The following TBC1D19 variants were observed in gnomAD, a reference collection of about 807,000 sequenced individuals.
The protein encoded by TBC1D19 is TBC1 domain family member 19, also known as TBC1 domain family, member 19.
TBC1D19 carries 60 observed loss-of-function variants against 89.0 expected under a neutral mutation model. The ratio of observed to expected loss-of-function variants is 0.67; its 90% CI spans 0.55 to 0.84. TBC1D19 has a LOEUF of 0.84. Among genes scored for constraint, TBC1D19 ranks in the 40% least tolerant of loss-of-function variants. TBC1D19 has a pLI of 0.00. For missense variants in TBC1D19, 500 were observed against 610.8 expected (o/e 0.82, Z 1.91); for synonymous variants, 189 against 199.7 (o/e 0.95, Z 0.45).
chr4:26,759,277 T>C (rs1010353266), downstream of TBC1D19, among the ~76,000 whole-genome samples: 6 of 152,200 alleles, frequency 3.9e-5, no homozygotes, highest in Admixed American at 6.5e-5. Flanking sequence ...TAATAGACTT[T>C]AGTAAATATT....
At chr4:26,689,966 G>A (rs1436173233) in intron 13 of TBC1D19, among the ~76,000 whole-genome samples, 15 of 152,142 alleles carry the variant, frequency 9.9e-5, no homozygotes, top group Non-Finnish European at 1.5e-5. Context: ...CCAAAAGCTA[G>A]GCCTCTTGCA....
At chr4:26,842,340 C>CTTTTTTTTTTTTTTTTTTTT in the TBC1D19 span, among the ~76,000 whole-genome samples, 8 of 81,576 alleles carry the variant, frequency 9.8e-5, no homozygotes, top group East Asian at 3.8e-4. Flanking sequence ...CTTTTCTTTT[C>CTTTTTTTTTTTTTTTTTTTT]TTTTTTTTTT....
intron 13 of TBC1D19, among the ~76,000 whole-genome samples, chr4:26,696,774 A>C (rs1351354324): frequency 6.6e-6 from 1 of 152,236 alleles, no homozygotes; most frequent in East Asian, 1.9e-4. Flanking sequence ...TACATAACGA[A>C]ATGAAGGCAG....
At chr4:26,645,598 A>G in intron 7 of TBC1D19, among the ~76,000 whole-genome samples, 1 of 152,238 alleles carries the variant, frequency 6.6e-6, no homozygotes, top group Non-Finnish European at 1.5e-5. Context: ...GGCATGGGCA[A>G]GGACTTCACG....
chr4:26,852,392 A>G, the TBC1D19 span, among the ~76,000 whole-genome samples: 1 of 151,704 alleles, frequency 6.6e-6, no homozygotes, highest in Non-Finnish European at 1.5e-5. Context: ...CTATCTCTAC[A>G]AAAAAAATAC....
rs547872812 is a variant in TBC1D19 at position 26,736,034 on chromosome 4, T to TATA, written c.1117+547_1117+548insATA. Among the ~76,000 whole-genome samples the TATA allele has an allele frequency of 2.2e-3, 313 of 141,920 alleles. 2 individuals carry two copies. The highest frequency in any genetic ancestry group is 7.2e-3 in the African/African-American group (280 of 38,950). The allele number at this position is 141,920 out of a possible 152,430, so 93.1% of individuals were successfully genotyped here. A position where few individuals can be genotyped will look rare whatever the true frequency, so the allele number is the denominator to read the frequency against. On this transcript the variant is annotated intron_variant, in intron 16 of 20. Coordinates refer to ENST00000264866, the MANE Select transcript of TBC1D19 (RefSeq NM_018317.4). ...CTAGAAATACCATTTGACCCAGCCA[T>TATA]CCCATTACTGGGTATATACCCAAAG...
At chr4:26,611,838 T>C (rs976205684) in intron 1 of TBC1D19, among the ~76,000 whole-genome samples, 4 of 152,094 alleles carry the variant, frequency 2.6e-5, no homozygotes, top group Non-Finnish European at 5.9e-5. Flanking sequence ...ATTCTTCTTT[T>C]TTATTACTCT....
chr4:26,821,921 T>C, the TBC1D19 span, among the ~76,000 whole-genome samples: 1 of 152,236 alleles, frequency 6.6e-6, no homozygotes, highest in Non-Finnish European at 1.5e-5. Flanking sequence ...AGAAATGTTT[T>C]CCTTGACATT....
intron 12 of TBC1D19, among the ~76,000 whole-genome samples, chr4:26,685,059 C>A (rs1323977025): frequency 6.6e-6 from 1 of 152,158 alleles, no homozygotes; most frequent in Admixed American, 6.5e-5. Context: ...AGAGTACTAA[C>A]AAAAGCAATC....
At chr4:26,608,960 C>G (rs1202082713) in intron 1 of TBC1D19, among the ~76,000 whole-genome samples, 2 of 146,126 alleles carry the variant, frequency 1.4e-5, no homozygotes, top group African/African-American at 2.5e-5. Context: ...GACAAAAAAC[C>G]AAACACCGCA....
intron 13 of TBC1D19, among the ~76,000 whole-genome samples, chr4:26,715,016 GA>G (rs770111695): frequency 6.6e-5 from 10 of 152,030 alleles, no homozygotes; most frequent in Admixed American, 4.6e-4. Flanking sequence ...TCACTCACTT[GA>G]TGATTCCACC....
At chr4:26,799,621 G>A in the TBC1D19 span, among the ~76,000 whole-genome samples, 618 of 152,240 alleles carry the variant, frequency 4.1e-3, 9 homozygotes, top group African/African-American at 0.015. Context: ...TCATGAATGG[G>A]ATTAGTGCCT....
intron 4 of TBC1D19, among the ~76,000 whole-genome samples, chr4:26,633,540 T>C (rs1049646658): frequency 1.1e-4 from 16 of 152,108 alleles, no homozygotes; most frequent in Admixed American, 9.8e-4. Context: ...AGCCTGGCAA[T>C]TGGTGTTTAT....
chr4:26,730,511 G>A (rs995539415), intron 15 of TBC1D19, among the ~76,000 whole-genome samples: 7 of 152,118 alleles, frequency 4.6e-5, no homozygotes, highest in African/African-American at 1.7e-4. Context: ...GCAGAAGTAC[G>A]AATAGAGGCC....
chr4:26,662,463 A>G (rs188539955), intron 8 of TBC1D19, among the ~76,000 whole-genome samples: 48 of 152,288 alleles, frequency 3.2e-4, no homozygotes, highest in Middle Eastern at 3.4e-3. Context: ...TACAAGATCA[A>G]TCTACAAAGA....
chr4:26,797,492 C>T, the TBC1D19 span, among the ~76,000 whole-genome samples: 296 of 152,210 alleles, frequency 1.9e-3, 1 homozygote, highest in African/African-American at 6.9e-3. Context: ...AGATTCAATG[C>T]GATCCCTATT....
chr4:26,610,414 CTTT>C (rs757861203), intron 1 of TBC1D19, among the ~76,000 whole-genome samples: 1 of 112,404 alleles, frequency 8.9e-6, no homozygotes, highest in Non-Finnish European at 2.0e-5. Context: ...TTCTGCATTT[CTTT>C]TTTTTTTTTT....
chr4:26,681,927 G>T (rs2109137792), intron 11 of TBC1D19, among the ~76,000 whole-genome samples: 1 of 152,176 alleles, frequency 6.6e-6, no homozygotes. Context: ...ATGGAGATAG[G>T]TATAAGCATG....
the TBC1D19 span, among the ~76,000 whole-genome samples, chr4:26,763,234 G>C: frequency 3.9e-5 from 6 of 152,154 alleles, no homozygotes; most frequent in African/African-American, 1.4e-4. Flanking sequence ...CTCAGCCAGG[G>C]CTCTTAAAAT....
Sources: allele counts gnomAD v4.1 joint callset (sites outside exome capture counted in the v4.1 genomes callset), GRCh38; gene constraint gnomAD v4.1.1; transcripts MANE v1.5; gene names NCBI Gene and HGNC (gene_info 2026-07-23, HGNC 2026-07-21).